Variants in FBXO16 observed in about 807,000 individuals in gnomAD.
FBXO16 encodes the protein F-box protein 16.
Under a neutral mutation model 41.0 loss-of-function variants are expected in FBXO16, and 31 were observed. That is an observed-to-expected ratio of 0.76 (90% CI 0.57 to 1.02). The LOEUF (loss-of-function observed/expected upper bound fraction) is 1.02, where lower values mean the gene tolerates loss of function less well. Among genes scored for constraint, FBXO16 ranks in the 50% least tolerant of loss-of-function variants. FBXO16 has a pLI of 0.00. For synonymous variants in FBXO16, 133 were observed against 117.8 expected (o/e 1.13, Z -0.84); for missense variants, 361 against 346.2 (o/e 1.04, Z -0.34).
chr8:28,465,669 A>G (rs1344637618), intron 3 of FBXO16, among the ~76,000 whole-genome samples: 2 of 152,098 alleles, frequency 1.3e-5, no homozygotes, highest in Non-Finnish European at 2.9e-5. Flanking sequence ...AGGAACAAAA[A>G]GTGGATTGAT....
At chr8:28,489,712 C>A (rs1206226795) in intron 1 of FBXO16, among the ~76,000 whole-genome samples, 4 of 98,874 alleles carry the variant, frequency 4.0e-5, no homozygotes, top group Non-Finnish European at 1.0e-4. Context: ...AAAACAAAAA[C>A]CAACAAAAAA....
rs189796259 is a variant in FBXO16, at chr8:28,484,626, C to G, written c.-16-1164G>C. ...ATTTATTTTGAGACAGAGTCTCGCT[C>G]TGTCGCCCAGGCTGGAGGGCAGTAG... On this transcript the variant is annotated intron_variant, in intron 1 of 8. Transcript: ENST00000380254. Among the ~76,000 whole-genome samples, 121 of 152,344 alleles carry G rather than the reference C, an allele frequency of 7.9e-4. 2 individuals are homozygous for G. In the East Asian group the frequency reaches 0.02, roughly 26 times the overall value.
At position 28,433,081 on chromosome 8, in the gene FBXO16, A is replaced by AAAAC. The variant is rs374930228; in HGVS notation, c.844-3682_844-3679dup. On this transcript the variant is annotated intron_variant, in intron 7 of 8. Transcript: ENST00000380254. ...GTCCAAAAAAAAAAAAAACAAACAA[A>AAAAC]AAACAAACAAACAAACAAAACATAA... Among the ~76,000 whole-genome samples, 4 of 144,766 alleles carry AAAAC rather than the reference A, an allele frequency of 2.8e-5. No individual in the cohort carries two copies. The Middle Eastern group carries it at 0.01, about 372-fold the overall frequency. 95.0% of individuals were successfully genotyped at this position (144,766 alleles called of 152,430 possible). A position where few individuals can be genotyped will look rare whatever the true frequency, so the allele number is the denominator to read the frequency against.
intron 5 of FBXO16, among the ~76,000 whole-genome samples, chr8:28,452,977 T>A (rs1330996995): frequency 2.0e-5 from 3 of 151,870 alleles, no homozygotes; most frequent in Non-Finnish European, 4.4e-5. Context: ...CCATCACCAA[T>A]GTCATCATCG....
chr8:28,452,107 T>G (rs1802963443), intron 6 of FBXO16, 137 bp downstream of exon 6: 1 of 755,228 alleles, frequency 1.3e-6, no homozygotes, highest in Non-Finnish European at 2.1e-6. Context: ...AGTATCCTGC[T>G]CTATTACTTT....
intron 1 of FBXO16, among the ~76,000 whole-genome samples, chr8:28,488,236 T>C (rs1008840966): frequency 6.6e-6 from 1 of 151,806 alleles, no homozygotes; most frequent in African/African-American, 2.4e-5. Context: ...TCTAGTCTCA[T>C]TTTCAATAGC....
chr8:28,439,546 C>A (rs1323904923), intron 7 of FBXO16, among the ~76,000 whole-genome samples: 1 of 152,026 alleles, frequency 6.6e-6, no homozygotes, highest in Admixed American at 6.6e-5. Context: ...GGGACGAGCC[C>A]AGGCAAAATA....
chr8:28,464,580 A>G (rs766718400), intron 3 of FBXO16, among the ~76,000 whole-genome samples: 2 of 152,214 alleles, frequency 1.3e-5, no homozygotes, highest in Non-Finnish European at 2.9e-5. Context: ...TGGGGAAGAG[A>G]AAATAGGGAA....
At position 28,490,192 on chromosome 8, in the gene FBXO16, T is replaced by C. The variant is rs1175081779; in HGVS notation, c.-23A>G. Reference sequence around the variant, plus strand: ...CACTGCCCACAGCTCTCACCTCTTTTAGCTTGTCTCCCTCTTCAAGCCTCA... The same window carrying C: ...CACTGCCCACAGCTCTCACCTCTTTCAGCTTGTCTCCCTCTTCAAGCCTCA... On this transcript the variant is annotated 5_prime_UTR_variant, in exon 1 of 9. Coordinates refer to ENST00000380254, the MANE Select transcript of FBXO16 (RefSeq NM_172366.4). 5 of 152,232 alleles carry C rather than the reference T, an allele frequency of 3.3e-5. No individual in the cohort carries two copies. The East Asian group carries it at 9.6e-4, about 29-fold the overall frequency. 9.4% of individuals were successfully genotyped at this position (152,232 alleles called of 1,614,324 possible). A position where few individuals can be genotyped will look rare whatever the true frequency, so the allele number is the denominator to read the frequency against.
chr8:28,463,461 T>C, intron 4 of FBXO16, 151 bp downstream of exon 4: 1 of 716,042 alleles, frequency 1.4e-6, no homozygotes, highest in Non-Finnish European at 2.3e-6. Flanking sequence ...TGAGTATATG[T>C]GTGTCTAAGT....
At chr8:28,449,634 G>A (rs1434787529) in intron 6 of FBXO16, among the ~76,000 whole-genome samples, 1 of 151,838 alleles carries the variant, frequency 6.6e-6, no homozygotes, top group Non-Finnish European at 1.5e-5. Flanking sequence ...GATCTTCTTG[G>A]GAGTTCACTC....
intron 2 of FBXO16, among the ~76,000 whole-genome samples, chr8:28,480,502 C>CT (rs1054546023): frequency 1.0e-4 from 15 of 149,206 alleles, no homozygotes; most frequent in South Asian, 2.1e-4. Flanking sequence ...TTCTTTCTTT[C>CT]TTTTTTTTTT....
At chr8:28,451,915 T>G (rs901273280) in intron 6 of FBXO16, among the ~76,000 whole-genome samples, 1 of 141,984 alleles carries the variant, frequency 7.0e-6, no homozygotes, top group African/African-American at 2.7e-5. Flanking sequence ...ACCCGGGAGG[T>G]GGAGGTTGCA....
At chr8:28,447,047 C>T (rs2130113889) in intron 7 of FBXO16, 124 bp downstream of exon 7, 1 of 831,696 alleles carries the variant, frequency 1.2e-6, no homozygotes. Flanking sequence ...TGTCAGAAAC[C>T]CGAATTTAAA....
intron 4 of FBXO16, among the ~76,000 whole-genome samples, chr8:28,460,217 ATGTG>A (rs199922102): frequency 1.9e-5 from 2 of 105,482 alleles, no homozygotes; most frequent in Admixed American, 1.2e-4. Context: ...ACAAATATAT[ATGTG>A]TGTGTATATA....
chr8:28,436,027 A>G (rs1802681938), intron 7 of FBXO16, among the ~76,000 whole-genome samples: 1 of 152,204 alleles, frequency 6.6e-6, no homozygotes, highest in South Asian at 2.1e-4. Context: ...CACCCCTGTA[A>G]ATTGCCTAAA....
intron 7 of FBXO16, among the ~76,000 whole-genome samples, chr8:28,443,749 A>G (rs1451139990): frequency 6.6e-6 from 1 of 152,178 alleles, no homozygotes; most frequent in Non-Finnish European, 1.5e-5. Flanking sequence ...GACCTTAATG[A>G]TAAAACAGGT....
chr8:28,455,319 C>T (rs1803022563), intron 5 of FBXO16, among the ~76,000 whole-genome samples: 1 of 151,992 alleles, frequency 6.6e-6, no homozygotes, highest in Non-Finnish European at 1.5e-5. Flanking sequence ...TCACTGCAGC[C>T]TCAACCTTCT....
intron 2 of FBXO16, among the ~76,000 whole-genome samples, chr8:28,481,425 C>T (rs1320747823): frequency 2.0e-5 from 3 of 152,066 alleles, no homozygotes. Context: ...TACTGGAAAG[C>T]AAATTACATA....
Sources: allele counts gnomAD v4.1 joint callset (sites outside exome capture counted in the v4.1 genomes callset), GRCh38; gene constraint gnomAD v4.1.1; transcripts MANE v1.5; gene names NCBI Gene and HGNC (gene_info 2026-07-23, HGNC 2026-07-21).